Variants in DSP observed in about 807,000 individuals in gnomAD.
DSP encodes desmoplakin, also known as 250/210 kDa paraneoplastic pemphigus antigen.
DSP carries 114 observed loss-of-function variants against 290.6 expected under a neutral mutation model. The ratio of observed to expected loss-of-function variants is 0.39; its 90% CI spans 0.34 to 0.46. The LOEUF (loss-of-function observed/expected upper bound fraction) is 0.46. DSP is among the 20% of genes least tolerant of loss of function. DSP has a pLI of 0.99. For missense variants in DSP, 3,230 were observed against 3,495.8 expected, an observed-to-expected ratio of 0.92 and a Z score of 1.92; for synonymous variants, 1,311 against 1,316.4, an observed-to-expected ratio of 1.00 and a Z score of 0.09.
intron 4 of DSP, among the ~76,000 whole-genome samples, chr6:7,561,923 C>T (rs1051562431): frequency 6.6e-6 from 1 of 152,132 alleles, no homozygotes; most frequent in Non-Finnish European, 1.5e-5. Flanking sequence ...GTGGAACTGG[C>T]GGAACAGTGT....
chr6:7,585,710 T>C lies in DSP; in HGVS notation c.8448T>C (p.Pro2816=), dbSNP rs1199053877. The C allele has an allele frequency of 6.2e-7, 1 of 1,613,564 alleles. No homozygotes were observed. The highest frequency in any genetic ancestry group is 1.7e-5 in the Admixed American group (1 of 59,900). ...TGTCGTCCAAGGGCTTACCCAGCCC[T>C]TACAACATGTCTTCGGCTCCGGGGT... ...ASVSSKGLPS[P]YNMSSAPGSR... is the part of the protein sequence containing the mutation. The change falls in exon 24 of 24, where the codon CCT becomes CCC. Residue 2816 remains proline (P), a synonymous_variant. Transcript: ENST00000379802.
At chr6:7,567,134 A>G (rs908455198) in intron 8 of DSP, among the ~76,000 whole-genome samples, 1 of 152,194 alleles carries the variant, frequency 6.6e-6, no homozygotes, top group African/African-American at 2.4e-5. Context: ...AAGACTCCTC[A>G]TGGTGTCTAT....
In DSP at chr6:7,567,432, A is replaced by G; in HGVS notation, c.1123A>G (p.Asn375Asp). The change falls in exon 9 of 24, where the codon AAT becomes GAT. Residue 375 changes from asparagine to aspartate, a missense_variant. Asn to Asp is a conservative substitution (Grantham distance 23). Transcript: ENST00000379802. ...TKCIDVHLKE[N>D]AAYFQFFEEA... Reference sequence around the variant, plus strand: ...GTGCATTGATGTTCATCTGAAAGAAAATGCTGCCTACTTTCAGGTTTTTAT... The same window carrying G: ...GTGCATTGATGTTCATCTGAAAGAAGATGCTGCCTACTTTCAGGTTTTTAT... 6.2e-7 allele frequency: 1 copy of G among 1,614,006 alleles called. No individual in the cohort carries two copies. The highest frequency in any genetic ancestry group is 8.5e-7 in the Non-Finnish European group (1 of 1,179,966).
Position 7,581,433 on chromosome 6 carries a change from C to T in DSP, c.5243C>T (p.Thr1748Ile). The T allele has an allele frequency of 1.9e-6, 3 of 1,612,924 alleles. No individual in the cohort carries two copies. The highest frequency in any genetic ancestry group is 2.5e-6 in the Non-Finnish European group (3 of 1,179,572). ...RSEADSDKNA[T>I]ILELRSQLQI... ...GAAGCGGACAGTGATAAAAATGCAACCATCTTGGAACTAAGGAGCCAGCTG... is the reference window on the plus strand; with the variant it reads ...GAAGCGGACAGTGATAAAAATGCAATCATCTTGGAACTAAGGAGCCAGCTG... The change falls in exon 23 of 24, where the codon ACC (threonine) becomes ATC (isoleucine). Residue 1748 changes from threonine (T) to isoleucine (I), a missense_variant. By Grantham distance (89) the Thr-to-Ile change is moderately conservative. Transcript: ENST00000379802.
Position 7,583,072 on chromosome 6 carries a change from G to A in DSP, c.5810G>A (p.Arg1937Lys), listed in dbSNP as rs375502200. 1 of 1,614,000 alleles carries A rather than the reference G, an allele frequency of 6.2e-7. No homozygotes were observed. The highest frequency in any genetic ancestry group is 1.3e-5 in the African/African-American group (1 of 74,908). ...QLETERSRYQ[R>K]EIDKLRQRPY... is the part of the protein sequence containing the mutation. The stretch of plus-strand genomic sequence containing the variant: ...GAAACAGAACGCTCCCGATATCAGA[G>A]GGAGATTGATAAACTCAGACAGCGC... The change falls in exon 24 of 24, where the codon AGG becomes AAG. Residue 1937 changes from arginine to lysine, a missense_variant. Around this residue, in one of 5 missense-constraint regions of DSP, gnomAD observed 1,714 missense variants for 1,844.5 expected, o/e 0.93. Transcript: ENST00000379802. This position sits in a 1 kb window ranked among gnomAD's most constrained non-coding sequence, Gnocchi z 4.0.
chr6:7,571,266 C>A, intron 13 of DSP, 117 bp from the exon 14 acceptor site: 1 of 936,032 alleles, frequency 1.1e-6, no homozygotes, highest in Non-Finnish European at 1.8e-6. Context: ...CTTAATGAGC[C>A]TGTGATGAGT....
At position 7,579,374 on chromosome 6, in the gene DSP, C is replaced by T; in HGVS notation, c.3184C>T (p.Leu1062=). 1 of 1,614,156 alleles carries T rather than the reference C, an allele frequency of 6.2e-7. No individual in the cohort carries two copies. The highest frequency in any genetic ancestry group is 8.5e-7 in the Non-Finnish European group (1 of 1,180,030). The change falls in exon 23 of 24, where the codon CTG becomes TTG. Residue 1062 remains leucine, a synonymous_variant. Coordinates refer to ENST00000379802, the MANE Select transcript of DSP (RefSeq NM_004415.4). This position sits in a 1 kb window ranked among gnomAD's most constrained non-coding sequence, Gnocchi z 4.1. ...CNKNKFLDQN[L]QKYQAECSQF... The stretch of plus-strand genomic sequence containing the variant: ...TAAGAACAAATTCCTGGATCAGAAC[C>T]TGCAGAAATACCAGGCAGAGTGTTC...
chr6:7,586,175 G>T lies in DSP; in HGVS notation c.*297G>T, dbSNP rs1265519234. ...TCTTCTCTTCTGTGTTTCGATTTTT[G>T]ATCAATTCTTTAATTTTGGAAGCCT... On this transcript the variant is annotated 3_prime_UTR_variant, in exon 24 of 24. Transcript: ENST00000379802. 5 of 301,522 alleles carry T rather than the reference G, an allele frequency of 1.7e-5. No homozygotes were observed. The highest frequency in any genetic ancestry group is 4.4e-5 in the African/African-American group (2 of 45,712). The allele number at this position is 301,522 out of a possible 1,614,324, so 18.7% of individuals were successfully genotyped here. A position where few individuals can be genotyped will look rare whatever the true frequency, so the allele number is the denominator to read the frequency against.
chr6:7,548,781 G>A (rs1373921038), intron 1 of DSP, among the ~76,000 whole-genome samples: 1 of 152,182 alleles, frequency 6.6e-6, no homozygotes, highest in Non-Finnish European at 1.5e-5. Flanking sequence ...GGAGAGCTGT[G>A]CTCTCTGGTT....
Position 7,575,383 on chromosome 6 carries a change from C to T in DSP, c.2525C>T (p.Thr842Ile), listed in dbSNP as rs147106834. The T allele has an allele frequency of 6.2e-7, 1 of 1,614,096 alleles. No homozygotes were observed. The highest frequency in any genetic ancestry group is 8.5e-7 in the Non-Finnish European group (1 of 1,180,034). ...AAAGCCCAGCAGATCCACTCTCAGACTTCACAGCAGTATCCACTTTATGAT... is the reference window on the plus strand; with the variant it reads ...AAAGCCCAGCAGATCCACTCTCAGATTTCACAGCAGTATCCACTTTATGAT... The part of the protein sequence containing the change: ...LQKAQQIHSQ[T>I]SQQYPLYDLD... The change falls in exon 18 of 24, where the codon ACT becomes ATT. Residue 842 changes from threonine to isoleucine, a missense_variant. Physicochemically the swap from Thr to Ile is moderately conservative, Grantham distance 89. Transcript: ENST00000379802.
Position 7,583,605 on chromosome 6 carries a change from T to G in DSP, c.6343T>G (p.Leu2115Val), listed in dbSNP as rs1484456213. Residue 2115 changes from leucine to valine, a missense_variant, in exon 24 of 24, where the codon TTG (leucine) becomes GTG (valine). Physicochemically the swap from Leu to Val is conservative, Grantham distance 32. This residue lies in a region of DSP where 1,714 missense variants were observed against 1,844.5 expected (regional missense o/e 0.93). Coordinates refer to ENST00000379802, the MANE Select transcript of DSP (RefSeq NM_004415.4). The surrounding 1 kb of genome is among the most constrained non-coding windows in gnomAD (Gnocchi z 4.0). The part of the protein sequence containing the change: ...VSVSEAIKKN[L>V]IDRETGMRLL... Reference sequence around the variant, plus strand: ...TGTTTCAGAAGCCATCAAGAAAAATTTGATTGATAGAGAAACCGGAATGCG... The same window carrying G: ...TGTTTCAGAAGCCATCAAGAAAAATGTGATTGATAGAGAAACCGGAATGCG... The G allele has an allele frequency of 6.2e-7, 1 of 1,613,978 alleles. No individual in the cohort carries two copies. Among genetic ancestry groups the G allele is most frequent in the Non-Finnish European group, 8.5e-7 (1 of 1,180,002 alleles).
intron 10 of DSP, 54 bp downstream of exon 10, chr6:7,567,960 C>T: frequency 6.2e-7 from 1 of 1,606,196 alleles, no homozygotes; most frequent in Non-Finnish European, 8.5e-7. Context: ...GGAGATAAAA[C>T]ACATGCCTTG....
intron 14 of DSP, 110 bp downstream of exon 14, chr6:7,571,694 A>T (rs992838985): frequency 6.6e-7 from 1 of 1,507,666 alleles, no homozygotes; most frequent in Non-Finnish European, 9.2e-7. Flanking sequence ...CTATATAGCC[A>T]GTGTTCTTCG....
In DSP at chr6:7,580,920, T is replaced by A; in HGVS notation, c.4730T>A (p.Leu1577Gln). 1 of 1,614,094 alleles carries A rather than the reference T, an allele frequency of 6.2e-7. No homozygotes were observed. Among genetic ancestry groups the A allele is most frequent in the Non-Finnish European group, 8.5e-7 (1 of 1,180,032 alleles). Residue 1577 changes from leucine (L) to glutamine (Q), a missense_variant, in exon 23 of 24, where the codon CTG becomes CAG. Transcript: ENST00000379802. This position sits in a 1 kb window ranked among gnomAD's most constrained non-coding sequence, Gnocchi z 4.2. ...CAGAAGCAGAAGGTGGAAGAGGAGC[T>A]GAATCGGCTGAAGAGGACCGCGTCA... Reference protein sequence around the residue: ...QLQKQKVEEELNRLKRTASED... With the variant: ...QLQKQKVEEEQNRLKRTASED...
intron 3 of DSP, among the ~76,000 whole-genome samples, chr6:7,558,672 A>G (rs78046786): frequency 0.028 from 4,288 of 152,022 alleles, 194 homozygotes; most frequent in African/African-American, 0.097. Flanking sequence ...TGCCATACCT[A>G]GCAAATTAAA....
intron 1 of DSP, among the ~76,000 whole-genome samples, chr6:7,543,393 C>CT (rs397886749): frequency 0.069 from 5,522 of 80,020 alleles, 223 homozygotes; most frequent in African/African-American, 0.098. Flanking sequence ...TCTATTTTCG[C>CT]TTTTTTTTTT....
At chr6:7,577,534 G>A (rs1433363970) in intron 20 of DSP, among the ~76,000 whole-genome samples, 2 of 152,114 alleles carry the variant, frequency 1.3e-5, no homozygotes, top group African/African-American at 2.4e-5. Flanking sequence ...CTCCGTGTTG[G>A]TCAGGCTGGT....
At position 7,555,703 on chromosome 6, in the gene DSP, T is replaced by C; in HGVS notation, c.171-15T>C. 1.2e-6 allele frequency: 2 copies of C among 1,610,362 alleles called. No homozygotes were observed. The highest frequency in any genetic ancestry group is 1.7e-6 in the Non-Finnish European group (2 of 1,176,516). On this transcript the variant is annotated splice_polypyrimidine_tract_variant and intron_variant, in intron 1 of 23. Transcript: ENST00000379802. ...GGTTATTTGATGTCTGGTTTCTCTG[T>C]GTTTGCCTCCTTAGTCAAACCGGCA... is the stretch of plus-strand genomic sequence containing the variant.
chr6:7,542,018 G>T lies in DSP; in HGVS notation c.103G>T (p.Gly35Trp). Residue 35 changes from glycine to tryptophan, a missense_variant, in exon 1 of 24, where the codon GGG becomes TGG. Transcript: ENST00000379802. ...GCGCTACGAGGTGACCAGCGGCGGCGGGGGCACCAGCAGGATGTACTATTC... is the reference window on the plus strand; with the variant it reads ...GCGCTACGAGGTGACCAGCGGCGGCTGGGGCACCAGCAGGATGTACTATTC... ...DLRYEVTSGG[G>W]GTSRMYYSRR... 1.3e-6 allele frequency: 2 copies of T among 1,585,190 alleles called. No individual in the cohort carries two copies. Among genetic ancestry groups the T allele is most frequent in the South Asian group, 1.1e-5 (1 of 87,016 alleles).
Sources: gnomAD v4.1 joint callset for allele counts (sites outside exome capture counted in the v4.1 genomes callset) on GRCh38, gnomAD v4.1.1 for gene constraint, gnomAD v4.1.1 regional missense constraint, Gnocchi (gnomAD v3.1) non-coding constraint, MANE v1.5 for transcripts, NCBI Gene and HGNC (gene_info 2026-07-23, HGNC 2026-07-21) for gene names.